The following TNFRSF10D variants were observed in gnomAD, a reference collection of about 807,000 sequenced individuals.
The protein encoded by TNFRSF10D is tumor necrosis factor receptor superfamily member 10D.
TNFRSF10D carries 28 observed loss-of-function variants against 42.1 expected under a neutral mutation model. That is an observed-to-expected ratio of 0.66 (90% confidence interval 0.49 to 0.91). The LOEUF is 0.91. Among genes scored for constraint, TNFRSF10D ranks in the 40% least tolerant of loss-of-function variants. The probability of loss-of-function intolerance (pLI) is 0.00; values close to 1 mark genes in which losing one functional copy is unlikely to be tolerated. For missense variants in TNFRSF10D, 503 were observed against 486.1 expected (o/e 1.03, Z -0.33); for synonymous variants, 186 against 189.4 (o/e 0.98, Z 0.15).
At position 23,164,002 on chromosome 8, in the gene TNFRSF10D, C is replaced by T; in HGVS notation, c.-67G>A. 1.4e-6 allele frequency: 2 copies of T among 1,479,132 alleles called. No individual in the cohort carries two copies. The highest frequency in any genetic ancestry group is 1.8e-6 in the Non-Finnish European group (2 of 1,116,814). 91.6% of individuals were successfully genotyped at this position (1,479,132 alleles called of 1,614,324 possible). On this transcript the variant is annotated 5_prime_UTR_variant, in exon 1 of 9. Transcript: ENST00000312584. ...AGAAATCGTCCCCGTAGTTTGTGCG[C>T]GTGCAAAGGTTCTCGCAGCTACACT...
chr8:23,140,245 C>G (rs921380843), intron 7 of TNFRSF10D, among the ~76,000 whole-genome samples: 1 of 151,888 alleles, frequency 6.6e-6, no homozygotes, highest in Admixed American at 6.6e-5. Context: ...GCTGAGATCG[C>G]GCCACTGCAC....
intron 2 of TNFRSF10D, among the ~76,000 whole-genome samples, chr8:23,148,870 G>A (rs1206882436): frequency 6.6e-6 from 1 of 151,894 alleles, no homozygotes; most frequent in Admixed American, 6.6e-5. Flanking sequence ...ATTTCAATAT[G>A]TAATCAATAT....
intron 1 of TNFRSF10D, among the ~76,000 whole-genome samples, chr8:23,157,684 C>T (rs143942367): frequency 2.6e-5 from 4 of 152,316 alleles, no homozygotes; most frequent in Middle Eastern, 3.4e-3. Flanking sequence ...ATGTGTTCTG[C>T]AGCTGTATTA....
At chr8:23,147,737 G>A (rs551820594) in intron 3 of TNFRSF10D, among the ~76,000 whole-genome samples, 1 of 152,132 alleles carries the variant, frequency 6.6e-6, no homozygotes, top group Admixed American at 6.5e-5. Flanking sequence ...GACCAGCCTG[G>A]CCAACATGGA....
chr8:23,150,178 T>G (rs577193731), intron 2 of TNFRSF10D, among the ~76,000 whole-genome samples: 1 of 151,014 alleles, frequency 6.6e-6, no homozygotes. Context: ...TAGTGCCAGG[T>G]CAGTCCCCAT....
chr8:23,163,983 C>A lies in TNFRSF10D; in HGVS notation c.-48G>T. 4 of 1,514,744 alleles carry A rather than the reference C, an allele frequency of 2.6e-6. No homozygotes were observed. In the South Asian group the frequency reaches 5.1e-5, roughly 19 times the overall value. The allele number at this position is 1,514,744 out of a possible 1,614,324, so 93.8% of individuals were successfully genotyped here. Reference sequence around the variant, plus strand: ...AAAGCGCCAAAAATCAATCAGAAATCGTCCCCGTAGTTTGTGCGCGTGCAA... The same window carrying A: ...AAAGCGCCAAAAATCAATCAGAAATAGTCCCCGTAGTTTGTGCGCGTGCAA... On this transcript the variant is annotated 5_prime_UTR_variant, in exon 1 of 9. Transcript: ENST00000312584.
rs1366798820 is a variant in TNFRSF10D at position 23,136,474 on chromosome 8, C to T, written c.*1396G>A. On this transcript the variant is annotated 3_prime_UTR_variant, in exon 9 of 9. Transcript: ENST00000312584. ...GGCCCATCCATGCCTGAGTCGGCAA[C>T]CATTTCACACCATTCCCAAGCACCG... The T allele has an allele frequency of 3.0e-5, 5 of 169,084 alleles. 1 individual carries two copies. Among genetic ancestry groups the T allele is most frequent in the Non-Finnish European group, 1.3e-5 (1 of 79,638 alleles). 10.5% of individuals were successfully genotyped at this position (169,084 alleles called of 1,614,324 possible). A position where few individuals can be genotyped will look rare whatever the true frequency, so the allele number is the denominator to read the frequency against.
At chr8:23,161,302 C>T (rs1800363719) in intron 1 of TNFRSF10D, among the ~76,000 whole-genome samples, 1 of 152,236 alleles carries the variant, frequency 6.6e-6, no homozygotes. Context: ...TTGAGAGCCT[C>T]AGAGTCCGAG....
In TNFRSF10D at chr8:23,137,607, A is replaced by G. The variant is rs1814356383; in HGVS notation, c.*263T>C. 2 of 336,504 alleles carry G rather than the reference A, an allele frequency of 5.9e-6. No individual in the cohort carries two copies. The highest frequency in any genetic ancestry group is 5.3e-6 in the Non-Finnish European group (1 of 187,532). The allele number at this position is 336,504 out of a possible 1,614,324, so 20.8% of individuals were successfully genotyped here. On this transcript the variant is annotated 3_prime_UTR_variant, in exon 9 of 9. Transcript: ENST00000312584. ...GGCATGAGCCACCGCATGTGGCCTA[A>G]AACGACCCTTAATACACAATCGTAT...
intron 1 of TNFRSF10D, among the ~76,000 whole-genome samples, chr8:23,158,115 T>C (rs901369721): frequency 6.6e-6 from 1 of 152,176 alleles, no homozygotes; most frequent in Non-Finnish European, 1.5e-5. Context: ...ATCTTTCAAG[T>C]TGTACTTTCC....
Position 23,145,708 on chromosome 8 carries a change from A to G in TNFRSF10D, c.696T>C (p.Cys232=), listed in dbSNP as rs1286181713. The G allele has an allele frequency of 2.5e-6, 4 of 1,614,098 alleles. No homozygotes were observed. In the Admixed American group the frequency reaches 6.7e-5, roughly 27 times the overall value. Residue 232 remains cysteine, a synonymous_variant, in exon 5 of 9, where the codon TGT becomes TGC. Transcript: ENST00000312584. The part of the protein sequence containing the change: ...ILAVVVVGFS[C]RKKFISYLKG... ...TGAGGTAAGAAATGAATTTCTTCCG[A>G]CATGAAAAGCCAACCACAACCACAG...
At chr8:23,147,099 A>C in intron 3 of TNFRSF10D, 27 bp from the exon 4 acceptor site, 3 of 1,595,650 alleles carry the variant, frequency 1.9e-6, no homozygotes, top group Middle Eastern at 1.7e-4. Flanking sequence ...AGGTTTTGAG[A>C]ATGTGTTTCC....
chr8:23,161,041 A>C (rs1423725888), intron 1 of TNFRSF10D, among the ~76,000 whole-genome samples: 773 of 151,968 alleles, frequency 5.1e-3, no homozygotes, highest in African/African-American at 0.016. Flanking sequence ...AAGTAGGAAC[A>C]GGTGCAGCCT....
chr8:23,145,587 G>T, intron 5 of TNFRSF10D, 81 bp downstream of exon 5: 1 of 1,596,248 alleles, frequency 6.3e-7, no homozygotes. Context: ...GGGCAGGGAT[G>T]GGGATTACTG....
chr8:23,143,823 A>G (rs891911532), intron 7 of TNFRSF10D, among the ~76,000 whole-genome samples: 3 of 152,242 alleles, frequency 2.0e-5, no homozygotes, highest in Non-Finnish European at 4.4e-5. Context: ...AAAGTCCACA[A>G]AAAATTAGGT....
intron 2 of TNFRSF10D, among the ~76,000 whole-genome samples, chr8:23,148,963 GACGA>G (rs1800169848): frequency 6.6e-6 from 1 of 151,756 alleles, no homozygotes; most frequent in South Asian, 2.1e-4. Flanking sequence ...GGCCAAGGCG[GACGA>G]ATCACGAGGT....
At chr8:23,163,380 G>C (rs969740355) in intron 1 of TNFRSF10D, among the ~76,000 whole-genome samples, 2 of 152,152 alleles carry the variant, frequency 1.3e-5, no homozygotes, top group Admixed American at 6.5e-5. Context: ...TGGGATTACA[G>C]GCGTGAGCCA....
chr8:23,152,313 G>A (rs1286460802), intron 2 of TNFRSF10D, among the ~76,000 whole-genome samples: 7 of 152,166 alleles, frequency 4.6e-5, no homozygotes, highest in Non-Finnish European at 1.0e-4. Context: ...GACACTAACC[G>A]GTGTGTGGGG....
At chr8:23,138,040 C>T in intron 8 of TNFRSF10D, 37 bp from the exon 9 acceptor site, 4 of 1,612,040 alleles carry the variant, frequency 2.5e-6, no homozygotes, top group Non-Finnish European at 3.4e-6. Flanking sequence ...CTCAATGCTC[C>T]AAGGACGATC....
Sources: gnomAD v4.1 joint callset for allele counts (sites outside exome capture counted in the v4.1 genomes callset) on GRCh38, gnomAD v4.1.1 for gene constraint, MANE v1.5 for transcripts, NCBI Gene and HGNC (gene_info 2026-07-23, HGNC 2026-07-21) for gene names.